Variants in FAM169A observed in about 807,000 individuals in gnomAD.
FAM169A encodes the protein family with sequence similarity 169 member A, also known as soluble lamin-associated protein of 75 kDa.
FAM169A carries 24 observed loss-of-function variants against 75.7 expected under a neutral mutation model. That is an observed-to-expected ratio of 0.32 (90% CI 0.23 to 0.45). The LOEUF (loss-of-function observed/expected upper bound fraction) is 0.45. FAM169A is among the 20% of genes least tolerant of loss of function. The pLI is 1.00. For missense variants in FAM169A, 673 were observed against 784.0 expected (o/e 0.86, Z 1.69); for synonymous variants, 271 against 271.0 (o/e 1.00, Z 0.00).
At chr5:74,826,189 T>C (rs1704602016) in intron 5 of FAM169A, among the ~76,000 whole-genome samples, 2 of 152,240 alleles carry the variant, frequency 1.3e-5, no homozygotes, top group South Asian at 4.1e-4. Context: ...ATTTCATAAA[T>C]GCAATGACTA....
intron 1 of FAM169A, among the ~76,000 whole-genome samples, chr5:74,857,596 A>C (rs946992508): frequency 1.1e-4 from 15 of 138,824 alleles, no homozygotes; most frequent in Non-Finnish European, 1.6e-5. Context: ...AAAAAAAAAA[A>C]AAAAAAAACT....
intron 5 of FAM169A, among the ~76,000 whole-genome samples, chr5:74,823,898 C>T (rs1249234334): frequency 1.3e-5 from 2 of 152,118 alleles, no homozygotes; most frequent in African/African-American, 4.8e-5. Flanking sequence ...TATAATTTTA[C>T]ATCACAATGT....
At position 74,779,049 on chromosome 5, in the gene FAM169A, C is replaced by G. The variant is rs1229707055; in HGVS notation, c.*2411G>C. On this transcript the variant is annotated 3_prime_UTR_variant, in exon 13 of 13. Transcript: ENST00000687041. The stretch of plus-strand genomic sequence containing the variant: ...ACTTTTCCCTCTATAATCTATAAAC[C>G]CCAAAATAACAATTTCTGTCAGAGA... 3.9e-5 allele frequency: 6 copies of G among 151,970 alleles called. No individual in the cohort carries two copies. The highest frequency in any genetic ancestry group is 3.3e-4 in the Admixed American group (5 of 15,266). 9.4% of individuals were successfully genotyped at this position (151,970 alleles called of 1,614,324 possible).
At chr5:74,834,628 A>T in intron 4 of FAM169A, 31 bp from the exon 5 acceptor site, 3 of 1,473,314 alleles carry the variant, frequency 2.0e-6, no homozygotes, top group Non-Finnish European at 2.7e-6. Flanking sequence ...CAGGCACAGC[A>T]GTTATAATAT....
chr5:74,858,732 A>C (rs987248378), intron 1 of FAM169A, among the ~76,000 whole-genome samples: 1 of 152,112 alleles, frequency 6.6e-6, no homozygotes, highest in Non-Finnish European at 1.5e-5. Flanking sequence ...CCCGAACCTA[A>C]AATCAAAGTT....
chr5:74,851,436 T>C (rs1749440580), intron 1 of FAM169A, among the ~76,000 whole-genome samples: 3 of 152,124 alleles, frequency 2.0e-5, no homozygotes, highest in Admixed American at 1.3e-4. Flanking sequence ...TGCTCAACAG[T>C]TGGAACACAA....
intron 5 of FAM169A, among the ~76,000 whole-genome samples, chr5:74,832,374 T>A (rs1480547897): frequency 2.6e-5 from 4 of 151,884 alleles, no homozygotes; most frequent in African/African-American, 2.4e-5. Flanking sequence ...TGAATTTCAT[T>A]GTACTGTAAG....
chr5:74,794,788 A>G (rs1377549291), intron 11 of FAM169A, among the ~76,000 whole-genome samples: 1 of 151,428 alleles, frequency 6.6e-6, no homozygotes, highest in Non-Finnish European at 1.5e-5. Flanking sequence ...CAAAAAAAAA[A>G]AAAAAAACAA....
In FAM169A at chr5:74,841,585, T is replaced by C; in HGVS notation, c.92A>G (p.Asp31Gly). The C allele has an allele frequency of 6.2e-7, 1 of 1,613,066 alleles. No individual in the cohort carries two copies. Reference protein sequence around the residue: ...EDYMSDLRCGDPENPECFSLL... With the variant: ...EDYMSDLRCGGPENPECFSLL... ...AGAAAAACACTCTGGATTTTCAGGG[T>C]CCCCACACCTTAAATCTGACATGTA... Residue 31 changes from aspartate (D) to glycine (G), a missense_variant, in exon 2 of 13, where the codon GAC becomes GGC. Physicochemically the swap from Asp to Gly is moderately conservative, Grantham distance 94. This residue lies in a region of FAM169A where 56 missense variants were observed against 52.2 expected (regional missense o/e 1.07). Coordinates refer to ENST00000687041, the MANE Select transcript of FAM169A (RefSeq NM_001376049.1).
chr5:74,796,554 G>T (rs1746288366), intron 10 of FAM169A, among the ~76,000 whole-genome samples: 1 of 152,008 alleles, frequency 6.6e-6, no homozygotes, highest in African/African-American at 2.4e-5. Context: ...ACAGGCACCT[G>T]CCATCACGCT....
At position 74,838,208 on chromosome 5, in the gene FAM169A, T is replaced by C. The variant is rs554851140; in HGVS notation, c.318+757A>G. On this transcript the variant is annotated intron_variant, in intron 4 of 12. Coordinates refer to ENST00000687041, the MANE Select transcript of FAM169A (RefSeq NM_001376049.1). ...CACTCTATACTTAATTAATGAATAG[T>C]ACTGCTTCTCCAAAAAGTCAGTATT... 4.6e-5 allele frequency among the ~76,000 whole-genome samples: 7 copies of C among 152,132 alleles called. No individual in the cohort carries two copies. The East Asian group carries it at 1.4e-3, about 29-fold the overall frequency.
At chr5:74,857,540 A>T (rs1428156714) in intron 1 of FAM169A, among the ~76,000 whole-genome samples, 1 of 130,576 alleles carries the variant, frequency 7.7e-6, no homozygotes, top group Non-Finnish European at 1.6e-5. Context: ...ACTGCACTCC[A>T]GTCTGGGTGA....
intron 1 of FAM169A, among the ~76,000 whole-genome samples, chr5:74,858,117 G>A (rs1319516242): frequency 6.6e-6 from 1 of 151,924 alleles, no homozygotes; most frequent in Non-Finnish European, 1.5e-5. Flanking sequence ...GCCAGGCGCG[G>A]TGGCTCATGC....
rs768538771 is a variant in FAM169A at position 74,817,452 on chromosome 5, CA to C, written c.491-3434del. On this transcript the variant is annotated intron_variant, in intron 5 of 12. Coordinates refer to ENST00000687041, the MANE Select transcript of FAM169A (RefSeq NM_001376049.1). Reference sequence around the variant, plus strand: ...TTAAGAAAACCATTCATAATAGCATCAAAAAAAATAAATTTAACAACAGACA... The same window carrying C: ...TTAAGAAAACCATTCATAATAGCATCAAAAAAATAAATTTAACAACAGACA... Among the ~76,000 whole-genome samples, 18 of 151,172 alleles carry C rather than the reference CA, an allele frequency of 1.2e-4. 1 individual carries two copies. The highest frequency in any genetic ancestry group is 6.6e-4 in the Admixed American group (10 of 15,138).
Position 74,805,192 on chromosome 5 carries a change from T to C in FAM169A, c.763A>G (p.Thr255Ala), listed in dbSNP as rs1486354008. 2 of 1,613,364 alleles carry C rather than the reference T, an allele frequency of 1.2e-6. No individual in the cohort carries two copies. Among genetic ancestry groups the C allele is most frequent in the African/African-American group, 2.7e-5 (2 of 74,914 alleles). The change falls in exon 7 of 13, where the codon ACC (threonine) becomes GCC (alanine). Residue 255 changes from threonine to alanine, a missense_variant. By Grantham distance (58) the Thr-to-Ala change is moderately conservative (BLOSUM62 0). Around this residue, in one of 3 missense-constraint regions of FAM169A, gnomAD observed 510 missense variants for 550.9 expected, o/e 0.93. Coordinates refer to ENST00000687041, the MANE Select transcript of FAM169A (RefSeq NM_001376049.1). ...VGHWYQRIPV[T>A]RALQREALKI... Reference sequence around the variant, plus strand: ...AGTGCTTCTCTTTGTAATGCTCTGGTGACTGGTATTCGCTGGTACCAGTGT... The same window carrying C: ...AGTGCTTCTCTTTGTAATGCTCTGGCGACTGGTATTCGCTGGTACCAGTGT...
rs765765816 is a variant in FAM169A at position 74,800,904 on chromosome 5, G to C, written c.1079C>G (p.Thr360Ser). 3.7e-5 allele frequency: 55 copies of C among 1,489,874 alleles called. No homozygotes were observed. Among genetic ancestry groups the C allele is most frequent in the Non-Finnish European group, 4.4e-5 (49 of 1,115,572 alleles). 92.3% of individuals were successfully genotyped at this position (1,489,874 alleles called of 1,614,324 possible). ...CTTGTTTATTGAAGCTGTAAGTGAA[G>C]TCTGGGAGGTCTTTTCATCTTCACC... Reference protein sequence around the residue: ...SQGEDEKTSQTSLTASINKLE... With the variant: ...SQGEDEKTSQSSLTASINKLE... The change falls in exon 10 of 13, where the codon ACT becomes AGT. Residue 360 changes from threonine to serine, a missense_variant. By Grantham distance (58) the Thr-to-Ser change is moderately conservative. Coordinates refer to ENST00000687041, the MANE Select transcript of FAM169A (RefSeq NM_001376049.1).
intron 1 of FAM169A, among the ~76,000 whole-genome samples, chr5:74,863,945 G>A (rs528187495): frequency 5.3e-5 from 8 of 152,222 alleles, no homozygotes; most frequent in Non-Finnish European, 8.8e-5. Context: ...TCTCTAGCAG[G>A]CAATCTTTGC....
chr5:74,843,732 T>C (rs1749003019), intron 1 of FAM169A, among the ~76,000 whole-genome samples: 1 of 152,262 alleles, frequency 6.6e-6, no homozygotes, highest in Admixed American at 6.5e-5. Flanking sequence ...ACATGAACAC[T>C]GTTGCATCTA....
intron 4 of FAM169A, among the ~76,000 whole-genome samples, chr5:74,837,324 T>C (rs1235615658): frequency 6.6e-6 from 1 of 152,126 alleles, no homozygotes; most frequent in Non-Finnish European, 1.5e-5. Context: ...AATTCCCTCC[T>C]CCCCTTCAGT....
Sources: gnomAD v4.1 joint callset for allele counts (sites outside exome capture counted in the v4.1 genomes callset) on GRCh38, gnomAD v4.1.1 for gene constraint, gnomAD v4.1.1 regional missense constraint, MANE v1.5 for transcripts, NCBI Gene and HGNC (gene_info 2026-07-23, HGNC 2026-07-21) for gene names.